ZNRF3: variants seen among roughly 807,000 people sequenced by gnomAD.
ZNRF3 encodes zinc and ring finger 3, also known as E3 ubiquitin-protein ligase ZNRF3.
ZNRF3 carries 23 observed loss-of-function variants against 72.5 expected under a neutral mutation model. The observed-to-expected ratio is 0.32, with a 90% CI of 0.23 to 0.45. The LOEUF (loss-of-function observed/expected upper bound fraction) is 0.45. Ranked by LOEUF, ZNRF3 falls within the 20% of genes least tolerant of loss-of-function variation. The probability of loss-of-function intolerance (pLI) is 1.00; values close to 1 mark genes in which losing one functional copy is unlikely to be tolerated. For synonymous variants in ZNRF3, 610 were observed against 545.3 expected (o/e 1.12, Z -1.65); for missense variants, 1,169 against 1,272.1 (o/e 0.92, Z 1.23).
chr22:28,883,958 G>T lies in ZNRF3; in HGVS notation c.192G>T (p.Val64=). 1 of 1,296,830 alleles carries T rather than the reference G, an allele frequency of 7.7e-7. No individual in the cohort carries two copies. The highest frequency in any genetic ancestry group is 1.0e-6 in the Non-Finnish European group (1 of 1,003,410). The allele number at this position is 1,296,830 out of a possible 1,614,324, so 80.3% of individuals were successfully genotyped here. A position where few individuals can be genotyped will look rare whatever the true frequency, so the allele number is the denominator to read the frequency against. The change falls in exon 1 of 9, where the codon GTG becomes GTT. Residue 64 remains valine (V), a synonymous_variant. Transcript: ENST00000544604. This position sits in a 1 kb window ranked among gnomAD's most constrained non-coding sequence, Gnocchi z 5.5. ...RAKETAFVEV[V]LFESSPSGDY... is the part of the protein sequence containing the mutation. ...AGGAGACGGCGTTCGTGGAGGTGGT[G>T]CTGTTCGAGTCGAGCCCAAGCGGCG...
intron 2 of ZNRF3, among the ~76,000 whole-genome samples, chr22:29,010,102 G>A (rs1025558552): frequency 3.3e-5 from 5 of 151,934 alleles, no homozygotes; most frequent in Admixed American, 2.6e-4. Flanking sequence ...GTAGAGATGG[G>A]GTTTCACCGT....
intron 1 of ZNRF3, among the ~76,000 whole-genome samples, chr22:28,941,296 T>A (rs1232664710): frequency 6.6e-6 from 1 of 152,212 alleles, no homozygotes; most frequent in African/African-American, 2.4e-5. Context: ...TTTATTGATT[T>A]GAATTCAGAG....
Position 28,901,136 on chromosome 22 carries a change from AT to A in ZNRF3, c.300+17079del, listed in dbSNP as rs959766962. Among the ~76,000 whole-genome samples the A allele has an allele frequency of 2.7e-4, 41 of 151,530 alleles. 1 individual carries two copies. In the South Asian group the frequency reaches 6.1e-3, roughly 22 times the overall value. On this transcript the variant is annotated intron_variant, in intron 1 of 8. Transcript: ENST00000544604. ...ACAAAAATAAATAAATAAATAAATA[AT>A]TTTTTTTTAAATGCAGAAAACATTT...
At chr22:29,038,604 T>A (rs2036905493) in intron 2 of ZNRF3, among the ~76,000 whole-genome samples, 1 of 152,186 alleles carries the variant, frequency 6.6e-6, no homozygotes, top group Non-Finnish European at 1.5e-5. Flanking sequence ...GTGCTGAGAT[T>A]ACAGGCATGA....
Position 29,049,484 on chromosome 22 carries a change from C to T in ZNRF3, c.1303C>T (p.Leu435=), listed in dbSNP as rs373485021. 8.1e-6 allele frequency: 13 copies of T among 1,604,916 alleles called. No homozygotes were observed. Among genetic ancestry groups the T allele is most frequent in the Non-Finnish European group, 1.1e-5 (13 of 1,179,742 alleles). The change falls in exon 8 of 9, where the codon CTG becomes TTG. Residue 435 remains leucine (L), a synonymous_variant. Transcript: ENST00000544604. The surrounding 1 kb of genome is among the most constrained non-coding windows in gnomAD (Gnocchi z 5.2). ...DHSLAAHRCG[L]EHRAYSPAHP... ...CAGCCTGGCCGCTCACCGCTGCGGC[C>T]TGGAGCACCGGGCCTACTCCCCAGC... is the stretch of plus-strand genomic sequence containing the variant.
chr22:29,019,141 A>C (rs567745635), intron 2 of ZNRF3, among the ~76,000 whole-genome samples: 1 of 152,144 alleles, frequency 6.6e-6, no homozygotes, highest in East Asian at 1.9e-4. Context: ...ATGAACACCC[A>C]TGAACTATTC....
At chr22:28,958,105 G>A (rs934112796) in intron 1 of ZNRF3, among the ~76,000 whole-genome samples, 12 of 152,118 alleles carry the variant, frequency 7.9e-5, no homozygotes, top group African/African-American at 2.4e-4. Context: ...GGAGAATGGC[G>A]TGAACCCAGG....
intron 1 of ZNRF3, among the ~76,000 whole-genome samples, chr22:28,905,068 T>C (rs2034181025): frequency 6.6e-6 from 1 of 152,024 alleles, no homozygotes; most frequent in African/African-American, 2.4e-5. Flanking sequence ...CCCGAGTAGC[T>C]GGTACTACAG....
intron 2 of ZNRF3, among the ~76,000 whole-genome samples, chr22:28,996,815 A>G (rs564054689): frequency 6.6e-6 from 1 of 152,350 alleles, no homozygotes; most frequent in African/African-American, 2.4e-5. Flanking sequence ...TATAACCTTC[A>G]ACCTTGACGT....
chr22:28,950,468 A>G (rs1286293177), intron 1 of ZNRF3, among the ~76,000 whole-genome samples: 1 of 152,212 alleles, frequency 6.6e-6, no homozygotes, highest in Non-Finnish European at 1.5e-5. Context: ...CTTTAGCAAT[A>G]TGCAAAATCA....
chr22:28,961,584 G>A (rs35395678), intron 1 of ZNRF3, among the ~76,000 whole-genome samples: 65 of 152,320 alleles, frequency 4.3e-4, no homozygotes, highest in African/African-American at 1.5e-3. Context: ...GGTGAATTTA[G>A]TATGACATCT....
chr22:29,017,001 G>A (rs994767521), intron 2 of ZNRF3, among the ~76,000 whole-genome samples: 5 of 152,198 alleles, frequency 3.3e-5, no homozygotes, highest in Non-Finnish European at 7.3e-5. Context: ...ATGGCCTTTA[G>A]GACAGAACCA....
intron 1 of ZNRF3, among the ~76,000 whole-genome samples, chr22:28,900,082 T>TTCCTTC (rs2034075286): frequency 6.6e-6 from 1 of 152,172 alleles, no homozygotes; most frequent in Admixed American, 6.5e-5. Flanking sequence ...CCTTCTTCTC[T>TTCCTTC]CAACTCCTGC....
At chr22:28,987,351 C>A in intron 2 of ZNRF3, 150 bp downstream of exon 2, 3 of 1,247,820 alleles carry the variant, frequency 2.4e-6, no homozygotes, top group South Asian at 3.3e-5. Flanking sequence ...GGGACTGAGA[C>A]ATGCCTTGCA....
chr22:29,049,939 C>A lies in ZNRF3; in HGVS notation c.1758C>A (p.Phe586Leu), dbSNP rs953467820. 4 of 1,610,414 alleles carry A rather than the reference C, an allele frequency of 2.5e-6. No homozygotes were observed. The highest frequency in any genetic ancestry group is 3.4e-6 in the Non-Finnish European group (4 of 1,178,888). ...NQGVYGSCST[F>L]RSSLSSDYDP... ...GCGTGTACGGGAGCTGCTCCACCTTCCGCAGCTCCCTCAGCAGCGACTATG... is the reference window on the plus strand; with the variant it reads ...GCGTGTACGGGAGCTGCTCCACCTTACGCAGCTCCCTCAGCAGCGACTATG... Residue 586 changes from phenylalanine (F) to leucine (L), a missense_variant, in exon 8 of 9, where the codon TTC (phenylalanine) becomes TTA (leucine). This residue lies in a region of ZNRF3 where 783 missense variants were observed against 731.4 expected (regional missense o/e 1.07). Transcript: ENST00000544604. The surrounding 1 kb of genome is among the most constrained non-coding windows in gnomAD (Gnocchi z 5.2).
intron 2 of ZNRF3, among the ~76,000 whole-genome samples, chr22:29,032,316 A>G (rs1301651947): frequency 6.6e-6 from 1 of 152,164 alleles, no homozygotes; most frequent in Non-Finnish European, 1.5e-5. Flanking sequence ...GATGGAACAA[A>G]CACTGCAAGT....
chr22:28,919,971 A>G (rs967389202), intron 1 of ZNRF3, among the ~76,000 whole-genome samples: 1 of 150,620 alleles, frequency 6.6e-6, no homozygotes, highest in Non-Finnish European at 1.5e-5. Context: ...GTGGACTTTT[A>G]TTTTATTTTT....
rs2123895383 is a variant in ZNRF3, at chr22:29,057,465, T to A, written c.*3843T>A. 6.7e-6 allele frequency: 1 copy of A among 148,302 alleles called. No individual in the cohort carries two copies. Among genetic ancestry groups the A allele is most frequent in the Non-Finnish European group, 1.5e-5 (1 of 66,838 alleles). The allele number at this position is 148,302 out of a possible 1,614,324, so 9.2% of individuals were successfully genotyped here. A position where few individuals can be genotyped will look rare whatever the true frequency, so the allele number is the denominator to read the frequency against. ...TGTACACATGACTGTAAAAAAAAAA[T>A]ACAATTTTATCAAGTATGTGTTATA... is the stretch of plus-strand genomic sequence containing the variant. On this transcript the variant is annotated 3_prime_UTR_variant, in exon 9 of 9. Transcript: ENST00000544604.
At chr22:28,951,826 G>A (rs761655953) in intron 1 of ZNRF3, among the ~76,000 whole-genome samples, 3 of 152,212 alleles carry the variant, frequency 2.0e-5, no homozygotes, top group African/African-American at 7.2e-5. Context: ...AATGAAGAAT[G>A]CAAGGTTGAG....
Sources: gnomAD v4.1 joint callset for allele counts (sites outside exome capture counted in the v4.1 genomes callset) on GRCh38, gnomAD v4.1.1 for gene constraint, gnomAD v4.1.1 regional missense constraint, Gnocchi (gnomAD v3.1) non-coding constraint, MANE v1.5 for transcripts, NCBI Gene and HGNC (gene_info 2026-07-23, HGNC 2026-07-21) for gene names.